The following SGSM1 variants were observed in gnomAD, a reference collection of about 807,000 sequenced individuals.
SGSM1 encodes the protein RUN and TBC1 domain containing 2.
In SGSM1, 73 loss-of-function variants were observed where a neutral mutation model predicts 133.8. That is an observed-to-expected ratio of 0.55 (90% CI 0.45 to 0.66). SGSM1 has a LOEUF of 0.66. SGSM1 is among the 30% of genes least tolerant of loss of function. The pLI, the probability that SGSM1 is intolerant of heterozygous loss-of-function variation, is 0.00. For synonymous variants in SGSM1, 563 were observed against 573.0 expected, an observed-to-expected ratio of 0.98 and a Z score of 0.25; for missense variants, 1,213 against 1,448.1, an observed-to-expected ratio of 0.84 and a Z score of 2.64.
In SGSM1 at chr22:24,891,229, G is replaced by A. The variant is rs115774116; in HGVS notation, c.1771-2202G>A. ...TTAAAAACTAGCTGGGCATGGTAGCGTGTGCTTATAGTCCTAGCTACTCAG... is the reference window on the plus strand; with the variant it reads ...TTAAAAACTAGCTGGGCATGGTAGCATGTGCTTATAGTCCTAGCTACTCAG... On this transcript the variant is annotated intron_variant, in intron 16 of 24. Coordinates refer to ENST00000400358, the MANE Select transcript of SGSM1 (RefSeq NM_001098497.3). 7.8e-3 allele frequency among the ~76,000 whole-genome samples: 1,189 copies of A among 152,300 alleles called. 17 individuals are homozygous for A. The highest frequency in any genetic ancestry group is 0.027 in the African/African-American group (1,132 of 41,564).
chr22:24,878,348 A>G (rs1401881609), intron 13 of SGSM1, among the ~76,000 whole-genome samples: 3 of 152,184 alleles, frequency 2.0e-5, no homozygotes, highest in Non-Finnish European at 4.4e-5. Context: ...GGAGTGATGG[A>G]GAGCTCACTA....
At chr22:24,907,163 G>C (rs1933415017) in intron 21 of SGSM1, among the ~76,000 whole-genome samples, 1 of 151,410 alleles carries the variant, frequency 6.6e-6, no homozygotes, top group South Asian at 2.1e-4. Context: ...GGGAGGCTGG[G>C]GCAGGAGAAT....
At chr22:24,877,790 G>A (rs1351108916) in intron 13 of SGSM1, among the ~76,000 whole-genome samples, 1 of 136,894 alleles carries the variant, frequency 7.3e-6, no homozygotes, top group Non-Finnish European at 1.6e-5. Flanking sequence ...TATTACTGGA[G>A]ATTCTTTCTT....
At chr22:24,894,220 C>A (rs1401637570) in intron 17 of SGSM1, among the ~76,000 whole-genome samples, 1 of 152,152 alleles carries the variant, frequency 6.6e-6, no homozygotes, top group Non-Finnish European at 1.5e-5. Flanking sequence ...CCTTGGCCAA[C>A]ATGGTGAAAC....
chr22:24,856,378 C>T (rs11913635), intron 8 of SGSM1, among the ~76,000 whole-genome samples: 2,935 of 148,198 alleles, frequency 0.02, 85 homozygotes, highest in African/African-American at 0.072. Flanking sequence ...CAGGTGAAGG[C>T]GCCAAGACAG....
intron 17 of SGSM1, among the ~76,000 whole-genome samples, chr22:24,894,526 G>T (rs1240769252): frequency 6.6e-6 from 1 of 152,226 alleles, no homozygotes; most frequent in East Asian, 1.9e-4. Context: ...CTCTGGGTCA[G>T]CTGGCAAGTT....
intron 2 of SGSM1, among the ~76,000 whole-genome samples, chr22:24,836,885 T>C (rs965280199): frequency 1.3e-5 from 2 of 152,260 alleles, no homozygotes; most frequent in African/African-American, 2.4e-5. Flanking sequence ...GTTTTCACTG[T>C]TTATTTTGTT....
chr22:24,916,498 G>C (rs1171238066), intron 22 of SGSM1, among the ~76,000 whole-genome samples: 1 of 152,050 alleles, frequency 6.6e-6, no homozygotes, highest in African/African-American at 2.4e-5. Flanking sequence ...TTCAAGACCA[G>C]CCTGGCCAAC....
Position 24,871,414 on chromosome 22 carries a change from G to T in SGSM1, c.1291+2559G>T, listed in dbSNP as rs565338825. ...CAAGATCATTCCTAAAACACCTGGT[G>T]ACCTGACATGGGGCCTGACGCTTGG... On this transcript the variant is annotated intron_variant, in intron 12 of 24. Coordinates refer to ENST00000400358, the MANE Select transcript of SGSM1 (RefSeq NM_001098497.3). Among the ~76,000 whole-genome samples, 69 of 152,272 alleles carry T rather than the reference G, an allele frequency of 4.5e-4. No individual in the cohort carries two copies. In the South Asian group the frequency reaches 0.014, roughly 31 times the overall value.
chr22:24,871,988 T>C (rs1455731547), intron 12 of SGSM1, among the ~76,000 whole-genome samples: 1 of 152,218 alleles, frequency 6.6e-6, no homozygotes, highest in East Asian at 1.9e-4. Flanking sequence ...ACTCACCTGT[T>C]TTTGTAAATA....
chr22:24,834,666 G>A (rs1040550327), intron 2 of SGSM1, among the ~76,000 whole-genome samples: 1 of 152,096 alleles, frequency 6.6e-6, no homozygotes, highest in Non-Finnish European at 1.5e-5. Flanking sequence ...GTGAGGGAAG[G>A]ATCTGATCCA....
At chr22:24,833,602 G>A (rs1202830509) in intron 2 of SGSM1, among the ~76,000 whole-genome samples, 1 of 151,856 alleles carries the variant, frequency 6.6e-6, no homozygotes, top group Non-Finnish European at 1.5e-5. Flanking sequence ...AGCTTGCAGT[G>A]AGTTGAGATT....
At chr22:24,818,092 C>T (rs1047611506) in intron 2 of SGSM1, among the ~76,000 whole-genome samples, 11 of 115,672 alleles carry the variant, frequency 9.5e-5, no homozygotes, top group Admixed American at 3.3e-4. Context: ...ATTAGCCGGG[C>T]GTGGTGGTGG....
chr22:24,868,530 G>A lies in SGSM1; in HGVS notation c.1149G>A (p.Gln383=). 1 of 1,613,966 alleles carries A rather than the reference G, an allele frequency of 6.2e-7. No individual in the cohort carries two copies. The highest frequency in any genetic ancestry group is 8.5e-7 in the Non-Finnish European group (1 of 1,179,886). Residue 383 remains glutamine, a synonymous_variant, in exon 11 of 25, where the codon CAG becomes CAA. Coordinates refer to ENST00000400358, the MANE Select transcript of SGSM1 (RefSeq NM_001098497.3). ...HGQLDPPLWS[Q]RGKGKVFPKL... Reference sequence around the variant, plus strand: ...AGTTGGACCCGCCACTGTGGTCCCAGAGGGGTAAGGTGAGTGATCATCGGG... The same window carrying A: ...AGTTGGACCCGCCACTGTGGTCCCAAAGGGGTAAGGTGAGTGATCATCGGG...
chr22:24,894,960 G>C (rs545186560), intron 17 of SGSM1, among the ~76,000 whole-genome samples: 5 of 152,314 alleles, frequency 3.3e-5, no homozygotes, highest in African/African-American at 1.2e-4. Context: ...CAATTACAGA[G>C]CAGTTAAAGG....
Position 24,901,815 on chromosome 22 carries a change from T to C in SGSM1, c.2611-18T>C. On this transcript the variant is annotated intron_variant, in intron 19 of 24. Coordinates refer to ENST00000400358, the MANE Select transcript of SGSM1 (RefSeq NM_001098497.3). ...TTTTTCATTTCTTCCCCCTACCCCC[T>C]GCCCCGATGGCCTATAGCCAGAGCT... The C allele has an allele frequency of 1.2e-6, 2 of 1,611,466 alleles. No individual in the cohort carries two copies. Among genetic ancestry groups the C allele is most frequent in the Non-Finnish European group, 1.7e-6 (2 of 1,178,902 alleles).
At chr22:24,824,128 C>T (rs555916197) in intron 2 of SGSM1, among the ~76,000 whole-genome samples, 9 of 152,178 alleles carry the variant, frequency 5.9e-5, no homozygotes, top group South Asian at 2.1e-4. Flanking sequence ...GCATGGAGTG[C>T]TGGGTTCAGG....
At chr22:24,839,918 G>C (rs1026393165) in intron 2 of SGSM1, among the ~76,000 whole-genome samples, 3 of 142,720 alleles carry the variant, frequency 2.1e-5, no homozygotes, top group Non-Finnish European at 4.5e-5. Context: ...CGATCTTTTG[G>C]ACAAACCATC....
intron 19 of SGSM1, among the ~76,000 whole-genome samples, chr22:24,898,828 C>T (rs1447542047): frequency 6.6e-6 from 1 of 151,890 alleles, no homozygotes; most frequent in African/African-American, 2.4e-5. Flanking sequence ...AAGATCGAGA[C>T]CATCCTGGCT....
Sources: gnomAD v4.1 joint callset for allele counts (sites outside exome capture counted in the v4.1 genomes callset) on GRCh38, gnomAD v4.1.1 for gene constraint, MANE v1.5 for transcripts, NCBI Gene and HGNC (gene_info 2026-07-23, HGNC 2026-07-21) for gene names.